The following LCA5 variants were observed in gnomAD, a reference collection of about 807,000 sequenced individuals.
LCA5 encodes lebercilin LCA5.
LCA5 carries 37 observed loss-of-function variants against 53.0 expected under a neutral mutation model. The ratio of observed to expected loss-of-function variants is 0.70; its 90% confidence interval spans 0.54 to 0.92. The LOEUF is 0.92. Among genes scored for constraint, LCA5 ranks in the 40% least tolerant of loss-of-function variants. The pLI is 0.00. For missense variants in LCA5, 806 were observed against 790.5 expected (o/e 1.02, Z -0.23); for synonymous variants, 303 against 282.9 (o/e 1.07, Z -0.71).
chr6:79,530,163 G>A (rs1766916118), intron 1 of LCA5, among the ~76,000 whole-genome samples: 1 of 151,908 alleles, frequency 6.6e-6, no homozygotes, highest in Non-Finnish European at 1.5e-5. Context: ...TCTAACCCAG[G>A]TTTTGAGGGA....
chr6:79,496,161 T>TAAACTGGAA (rs1159808115), intron 3 of LCA5, among the ~76,000 whole-genome samples: 1 of 152,206 alleles, frequency 6.6e-6, no homozygotes, highest in Non-Finnish European at 1.5e-5. Flanking sequence ...CAGAATGTCT[T>TAAACTGGAA]AAACTGGAAA....
At chr6:79,499,299 AT>A (rs1157069346) in intron 3 of LCA5, among the ~76,000 whole-genome samples, 2 of 148,242 alleles carry the variant, frequency 1.3e-5, no homozygotes, top group Non-Finnish European at 3.0e-5. Context: ...TGTACTACTT[AT>A]TTAAAAAAAG....
intron 3 of LCA5, among the ~76,000 whole-genome samples, chr6:79,504,327 A>G (rs1308506273): frequency 1.3e-5 from 2 of 152,234 alleles, no homozygotes; most frequent in African/African-American, 4.8e-5. Context: ...TTAATGTTAA[A>G]AGAATAACTT....
intron 3 of LCA5, among the ~76,000 whole-genome samples, chr6:79,499,179 A>G (rs958133359): frequency 6.6e-6 from 1 of 152,178 alleles, no homozygotes; most frequent in Non-Finnish European, 1.5e-5. Flanking sequence ...ACAGAAAAAG[A>G]TCCAGAAGGA....
At chr6:79,496,285 A>C (rs2127671116) in intron 3 of LCA5, among the ~76,000 whole-genome samples, 1 of 152,348 alleles carries the variant, frequency 6.6e-6, no homozygotes, top group East Asian at 1.9e-4. Flanking sequence ...AGTAAAACAT[A>C]CATCTACTAT....
At chr6:79,518,290 A>T (rs1562108892) in intron 2 of LCA5, among the ~76,000 whole-genome samples, 1 of 152,162 alleles carries the variant, frequency 6.6e-6, no homozygotes, top group Non-Finnish European at 1.5e-5. Context: ...ACCTACAGTA[A>T]GTAATTTTAC....
intron 3 of LCA5, among the ~76,000 whole-genome samples, chr6:79,512,975 A>G (rs754649760): frequency 1.7e-4 from 26 of 152,162 alleles, no homozygotes; most frequent in Non-Finnish European, 3.5e-4. Flanking sequence ...AGATAACCAA[A>G]TAGAGTATTT....
At chr6:79,503,455 A>T (rs902926630) in intron 3 of LCA5, among the ~76,000 whole-genome samples, 3 of 152,146 alleles carry the variant, frequency 2.0e-5, no homozygotes, top group East Asian at 1.9e-4. Flanking sequence ...AACCTTTTTT[A>T]AAAAAACAGT....
chr6:79,493,812 C>T, intron 3 of LCA5, 62 bp from the exon 4 acceptor site: 2 of 1,269,646 alleles, frequency 1.6e-6, no homozygotes, highest in Non-Finnish European at 2.2e-6. Flanking sequence ...AAACATAACA[C>T]ATGGCAGTGT....
chr6:79,491,403 A>G (rs72899942), intron 6 of LCA5, among the ~76,000 whole-genome samples, 185 bp downstream of exon 6: 19,147 of 152,136 alleles, frequency 0.13, 1,388 homozygotes, highest in East Asian at 0.22. Context: ...AGCATTAGGT[A>G]TATCTCCTAA....
chr6:79,486,789 T>C lies in LCA5; in HGVS notation c.*215A>G, dbSNP rs1769668460. 3 of 464,286 alleles carry C rather than the reference T, an allele frequency of 6.5e-6. No homozygotes were observed. The South Asian group carries it at 1.2e-4, about 18-fold the overall frequency. 28.8% of individuals were successfully genotyped at this position (464,286 alleles called of 1,614,324 possible). A position where few individuals can be genotyped will look rare whatever the true frequency, so the allele number is the denominator to read the frequency against. On this transcript the variant is annotated 3_prime_UTR_variant, in exon 8 of 8. Transcript: ENST00000369846. Reference sequence around the variant, plus strand: ...TTTCATTTTTCAAGACATATTTTTATTTTTGGTTTCATTCAAAAAAGCCTC... The same window carrying C: ...TTTCATTTTTCAAGACATATTTTTACTTTTGGTTTCATTCAAAAAAGCCTC...
At chr6:79,497,951 C>T (rs1770027245) in intron 3 of LCA5, among the ~76,000 whole-genome samples, 1 of 116,498 alleles carries the variant, frequency 8.6e-6, no homozygotes, top group Admixed American at 8.9e-5. Flanking sequence ...AGTGAGACTC[C>T]ATCTCAAAAA....
At position 79,528,877 on chromosome 6, in the gene LCA5, C is replaced by T. The variant is rs111786503; in HGVS notation, c.-192+8288G>A. Among the ~76,000 whole-genome samples, 193 of 152,236 alleles carry T rather than the reference C, an allele frequency of 1.3e-3. 4 individuals carry two copies. Among genetic ancestry groups the T allele is most frequent in the African/African-American group, 4.3e-3 (177 of 41,544 alleles). ...CATATGTGTTATGCTGGGTGGGAAA[C>T]GTTGTACTTTCAATCTTAACAATAC... On this transcript the variant is annotated intron_variant, in intron 1 of 7. Transcript: ENST00000369846.
Position 79,513,412 on chromosome 6 carries a change from GTTCT to G in LCA5, c.516_519del (p.Lys172AsnfsTer3), listed in dbSNP as rs1286660951. 3 of 1,613,504 alleles carry G rather than the reference GTTCT, an allele frequency of 1.9e-6. No homozygotes were observed. The highest frequency in any genetic ancestry group is 2.5e-6 in the Non-Finnish European group (3 of 1,179,836). On this transcript the variant is annotated frameshift_variant, in exon 3 of 8. Coordinates refer to ENST00000369846, the MANE Select transcript of LCA5 (RefSeq NM_001122769.3). LOFTEE classifies it high-confidence loss of function. ...TCTTTCTCTTGAGATTTTCTTAAGC[GTTCT>G]TTGAGTGCTGTAATCTCATTGTTAT...
chr6:79,495,834 G>A (rs951848948), intron 3 of LCA5, among the ~76,000 whole-genome samples: 4 of 151,756 alleles, frequency 2.6e-5, no homozygotes, highest in Admixed American at 2.0e-4. Context: ...TTTGGTTGTG[G>A]AATGTGGAAC....
chr6:79,513,081 A>G (rs1048732454), intron 3 of LCA5, 131 bp downstream of exon 3: 6 of 892,678 alleles, frequency 6.7e-6, no homozygotes, highest in Admixed American at 6.2e-5. Context: ...AAATTTTCCC[A>G]AAACAGTACT....
chr6:79,538,118 A>G (rs1004247682), upstream of LCA5, among the ~76,000 whole-genome samples: 2 of 116,576 alleles, frequency 1.7e-5, no homozygotes, highest in African/African-American at 7.0e-5. Context: ...TTTCTCTTTT[A>G]GAAATGGCAT....
chr6:79,493,575 T>C (rs1227712965), intron 4 of LCA5, 38 bp downstream of exon 4: 1 of 1,566,092 alleles, frequency 6.4e-7, no homozygotes, highest in Non-Finnish European at 8.8e-7. Context: ...TTTCGTCTAA[T>C]ACACATTATG....
At chr6:79,489,243 T>C (rs753560691) in intron 6 of LCA5, 27 bp from the exon 7 acceptor site, 30 of 1,606,702 alleles carry the variant, frequency 1.9e-5, no homozygotes, top group Non-Finnish European at 2.3e-5. Flanking sequence ...AAAATGCAAG[T>C]TCACAAATTA....
Sources: gnomAD v4.1 joint callset for allele counts (sites outside exome capture counted in the v4.1 genomes callset) on GRCh38, gnomAD v4.1.1 for gene constraint, MANE v1.5 for transcripts, NCBI Gene and HGNC (gene_info 2026-07-23, HGNC 2026-07-21) for gene names.